Variants in NCK2 observed in about 807,000 individuals in gnomAD.
The protein encoded by NCK2 is NCK adaptor protein 2, also known as cytoplasmic protein NCK2.
A neutral mutation model predicts 33.9 loss-of-function variants in NCK2; 16 were observed. That is an observed-to-expected ratio of 0.47 (90% confidence interval 0.32 to 0.72). The LOEUF is 0.72. Among genes scored for constraint, NCK2 ranks in the 30% least tolerant of loss-of-function variants. The pLI is 0.03. For missense variants in NCK2, 418 were observed against 537.3 expected (o/e 0.78, Z 2.19); for synonymous variants, 273 against 239.9 (o/e 1.14, Z -1.27).
chr2:105,793,518 G>A (rs1200155603), intron 1 of NCK2, among the ~76,000 whole-genome samples: 1 of 152,218 alleles, frequency 6.6e-6, no homozygotes, highest in East Asian at 1.9e-4. Context: ...GGTCATGTAG[G>A]CATTGCACTG....
chr2:105,865,835 C>T (rs1375841557), intron 3 of NCK2, among the ~76,000 whole-genome samples: 2 of 152,108 alleles, frequency 1.3e-5, no homozygotes, highest in African/African-American at 4.8e-5. Context: ...TCCTCAGAAT[C>T]ATAATCTCTG....
intron 2 of NCK2, among the ~76,000 whole-genome samples, chr2:105,823,858 A>G (rs945265554): frequency 1.3e-5 from 2 of 152,046 alleles, no homozygotes; most frequent in South Asian, 2.1e-4. Flanking sequence ...GGATGATCCT[A>G]ATTATGAATC....
At chr2:105,849,416 ACT>A (rs2104569509) in intron 2 of NCK2, among the ~76,000 whole-genome samples, 1 of 151,606 alleles carries the variant, frequency 6.6e-6, no homozygotes, top group African/African-American at 2.4e-5. Context: ...GGGAGGGAAG[ACT>A]CTGGTCTTCT....
chr2:105,793,422 G>C (rs927480457), intron 1 of NCK2, among the ~76,000 whole-genome samples: 1 of 151,318 alleles, frequency 6.6e-6, no homozygotes, highest in East Asian at 1.9e-4. Context: ...ACTGGTTTCA[G>C]CTGGTCTGGT....
chr2:105,765,384 G>A (rs1385856983), intron 1 of NCK2, among the ~76,000 whole-genome samples: 1 of 152,216 alleles, frequency 6.6e-6, no homozygotes, highest in Non-Finnish European at 1.5e-5. Context: ...GACTCTGCCA[G>A]TAGTGCTCAC....
rs369355729 is a variant in NCK2, at chr2:105,882,663, T to G, written c.948+614T>G. On this transcript the variant is annotated intron_variant, in intron 4 of 4. Coordinates refer to ENST00000233154, the MANE Select transcript of NCK2 (RefSeq NM_003581.5). ...AGTCGGAGATATGAGGCCACTCGAC[T>G]GGGGCAGCAGACCCAGTTCAGCGGT... 1.2e-3 allele frequency among the ~76,000 whole-genome samples: 185 copies of G among 152,236 alleles called. 2 individuals carry two copies. The highest frequency in any genetic ancestry group is 4.2e-3 in the African/African-American group (173 of 41,554).
intron 2 of NCK2, chr2:105,848,478 T>TA (rs1676935489): frequency 6.6e-6 from 1 of 152,182 alleles, no homozygotes; most frequent in African/African-American, 2.4e-5. Flanking sequence ...CAAAATAACA[T>TA]ACTGAGCAAA....
intron 1 of NCK2, among the ~76,000 whole-genome samples, chr2:105,760,977 T>C (rs1689747545): frequency 6.6e-6 from 1 of 152,166 alleles, no homozygotes; most frequent in Non-Finnish European, 1.5e-5. Context: ...AGAAGTTTCT[T>C]TGGGATTGGG....
rs114590468 is a variant in NCK2, at chr2:105,842,855, C to T, written c.-16-12193C>T. Among the ~76,000 whole-genome samples the T allele has an allele frequency of 9.6e-3, 1,301 of 135,420 alleles. 22 individuals are homozygous for T. Among genetic ancestry groups the T allele is most frequent in the African/African-American group, 0.034 (1,181 of 35,054 alleles). The allele number at this position is 135,420 out of a possible 152,430, so 88.8% of individuals were successfully genotyped here. A position where few individuals can be genotyped will look rare whatever the true frequency, so the allele number is the denominator to read the frequency against. ...AGGAATGAGTTTTCAGGGGGGTGGA[C>T]GCTGTGAGAAATATGATAGGCAACC... On this transcript the variant is annotated intron_variant, in intron 2 of 4. Coordinates refer to ENST00000233154, the MANE Select transcript of NCK2 (RefSeq NM_003581.5).
intron 1 of NCK2, among the ~76,000 whole-genome samples, chr2:105,794,376 T>A (rs1691002990): frequency 6.6e-6 from 1 of 152,162 alleles, no homozygotes; most frequent in South Asian, 2.1e-4. Context: ...TATATTTCCT[T>A]TATGCTGAAA....
chr2:105,744,887 C>CGCCGCCGCCGCCGCT (rs1458680460), upstream of NCK2: 1 of 160,898 alleles, frequency 6.2e-6, no homozygotes, highest in African/African-American at 2.4e-5. Context: ...CCGCCGCCGC[C>CGCCGCCGCCGCCGCT]GCCGCCGCTG....
In NCK2 at chr2:105,881,629, C is replaced by T; in HGVS notation, c.528C>T (p.Ser176=). Residue 176 remains serine, a synonymous_variant, in exon 4 of 5, where the codon TCC becomes TCT. Transcript: ENST00000233154. ...LEEVDEAAAE[S]PSFLSLRKGA... ...AGGTGGACGAGGCGGCTGCGGAGTC[C>T]CCAAGCTTCCTGAGCCTGCGCAAGG... The T allele has an allele frequency of 6.2e-7, 1 of 1,613,616 alleles. No individual in the cohort carries two copies. Among genetic ancestry groups the T allele is most frequent in the Non-Finnish European group, 8.5e-7 (1 of 1,179,830 alleles).
chr2:105,893,270 A>C lies in NCK2; in HGVS notation c.*94A>C. 1 of 1,234,718 alleles carries C rather than the reference A, an allele frequency of 8.1e-7. No individual in the cohort carries two copies. Among genetic ancestry groups the C allele is most frequent in the Non-Finnish European group, 1.1e-6 (1 of 906,048 alleles). The allele number at this position is 1,234,718 out of a possible 1,614,324, so 76.5% of individuals were successfully genotyped here. ...GGCTCCTCCCGCGGGGACGGCCCCG[A>C]CGGCTTCTCTGCGAGTCTCTCTTTA... On this transcript the variant is annotated 3_prime_UTR_variant, in exon 5 of 5. Coordinates refer to ENST00000233154, the MANE Select transcript of NCK2 (RefSeq NM_003581.5).
intron 1 of NCK2, among the ~76,000 whole-genome samples, chr2:105,773,465 C>G (rs771560522): frequency 1.3e-5 from 2 of 152,062 alleles, no homozygotes; most frequent in African/African-American, 2.4e-5. Flanking sequence ...AGGGCCATCA[C>G]CACTGCACCT....
At chr2:105,869,573 C>T (rs1677911722) in intron 3 of NCK2, among the ~76,000 whole-genome samples, 1 of 152,202 alleles carries the variant, frequency 6.6e-6, no homozygotes, top group African/African-American at 2.4e-5. Flanking sequence ...CTGCGTGTTC[C>T]CCCGTGAATG....
chr2:105,835,152 T>G (rs1363245568), intron 2 of NCK2, among the ~76,000 whole-genome samples: 3 of 151,806 alleles, frequency 2.0e-5, no homozygotes, highest in African/African-American at 7.3e-5. Flanking sequence ...ATTTATGTTT[T>G]CGCACTACCA....
chr2:105,799,850 A>C (rs73949307), intron 1 of NCK2, among the ~76,000 whole-genome samples: 1 of 152,130 alleles, frequency 6.6e-6, no homozygotes, highest in African/African-American at 2.4e-5. Flanking sequence ...GTTCTTGGCT[A>C]TGGAGACAGG....
At chr2:105,859,745 C>G (rs115027465) in intron 3 of NCK2, among the ~76,000 whole-genome samples, 1 of 152,098 alleles carries the variant, frequency 6.6e-6, no homozygotes, top group African/African-American at 2.4e-5. Flanking sequence ...AGGATTGTTA[C>G]GTAAGATCCA....
At chr2:105,838,300 T>C (rs1172351974) in intron 2 of NCK2, among the ~76,000 whole-genome samples, 1 of 145,332 alleles carries the variant, frequency 6.9e-6, no homozygotes, top group Non-Finnish European at 1.5e-5. Flanking sequence ...TGCTGGAATT[T>C]TATTAAAATG....
Sources: gnomAD v4.1 joint callset for allele counts (sites outside exome capture counted in the v4.1 genomes callset) on GRCh38, gnomAD v4.1.1 for gene constraint, MANE v1.5 for transcripts, NCBI Gene and HGNC (gene_info 2026-07-23, HGNC 2026-07-21) for gene names.